ATF7IP: variants seen among roughly 807,000 people sequenced by gnomAD.
The protein encoded by ATF7IP is activating transcription factor 7-interacting protein 1.
A neutral mutation model predicts 106.4 loss-of-function variants in ATF7IP; 23 were observed. The ratio of observed to expected loss-of-function variants is 0.22; its 90% CI spans 0.16 to 0.31. ATF7IP has a LOEUF of 0.31. ATF7IP is among the 10% of genes least tolerant of loss of function. The pLI, the probability that ATF7IP is intolerant of heterozygous loss-of-function variation, is 1.00. For synonymous variants in ATF7IP, 542 were observed against 539.0 expected (o/e 1.01, Z -0.08); for missense variants, 1,334 against 1,524.3 (o/e 0.88, Z 2.08).
intron 6 of ATF7IP, among the ~76,000 whole-genome samples, chr12:14,453,460 C>T (rs978046069): frequency 3.3e-5 from 5 of 152,056 alleles, no homozygotes; most frequent in Admixed American, 2.6e-4. Context: ...CCGGTCTGCT[C>T]TTGATTCTCT....
chr12:14,449,529 A>G (rs79132314), intron 6 of ATF7IP, among the ~76,000 whole-genome samples: 184 of 151,174 alleles, frequency 1.2e-3, no homozygotes, highest in African/African-American at 4.1e-3. Flanking sequence ...ACTTTTTTCG[A>G]TTATTGTAGC....
At chr12:14,392,295 A>C (rs542648165) in intron 1 of ATF7IP, among the ~76,000 whole-genome samples, 1 of 151,730 alleles carries the variant, frequency 6.6e-6, no homozygotes, top group South Asian at 2.1e-4. Context: ...AATCTGGTCT[A>C]CTGGGTAGTT....
chr12:14,369,507 G>T (rs891271913), intron 1 of ATF7IP, among the ~76,000 whole-genome samples: 1 of 151,988 alleles, frequency 6.6e-6, no homozygotes, highest in Admixed American at 6.6e-5. Flanking sequence ...GCACCACCAT[G>T]CCCTGCTTTT....
chr12:14,498,083 C>T lies in ATF7IP; in HGVS notation c.*10C>T. The stretch of plus-strand genomic sequence containing the variant: ...TACCCAGAGCAGTTAAACCTTGGAG[C>T]CTTTATATTTTCCTCTTTTAAAATT... On this transcript the variant is annotated 3_prime_UTR_variant, in exon 15 of 15. Transcript: ENST00000261168. 2 of 1,543,432 alleles carry T rather than the reference C, an allele frequency of 1.3e-6. No individual in the cohort carries two copies. Among genetic ancestry groups the T allele is most frequent in the East Asian group, 2.3e-5 (1 of 43,886 alleles).
chr12:14,393,311 A>G (rs1939672411), intron 1 of ATF7IP, among the ~76,000 whole-genome samples: 1 of 152,032 alleles, frequency 6.6e-6, no homozygotes, highest in Non-Finnish European at 1.5e-5. Flanking sequence ...TATTTCTAAC[A>G]TTTTTTCTCA....
intron 9 of ATF7IP, chr12:14,466,163 C>A (rs189969957): frequency 0.021 from 3,415 of 165,850 alleles, 35 homozygotes; most frequent in Middle Eastern, 0.03. Context: ...ACATTTTTGA[C>A]ATACTAAATT....
intron 1 of ATF7IP, among the ~76,000 whole-genome samples, chr12:14,402,286 C>A (rs1208743838): frequency 6.6e-6 from 1 of 151,686 alleles, no homozygotes; most frequent in Non-Finnish European, 1.5e-5. Flanking sequence ...TGTCACTATA[C>A]CTGGCTAATT....
At chr12:14,415,956 A>G (rs1208262634) in intron 1 of ATF7IP, among the ~76,000 whole-genome samples, 1 of 152,188 alleles carries the variant, frequency 6.6e-6, no homozygotes, top group Non-Finnish European at 1.5e-5. Flanking sequence ...AGTCTCCCAC[A>G]AATACTGATG....
intron 13 of ATF7IP, among the ~76,000 whole-genome samples, chr12:14,483,995 A>G (rs1455492282): frequency 6.6e-6 from 1 of 152,194 alleles, no homozygotes; most frequent in African/African-American, 2.4e-5. Flanking sequence ...TGTGCAGCAT[A>G]GGCAAACCCA....
intron 1 of ATF7IP, among the ~76,000 whole-genome samples, chr12:14,401,735 T>G (rs1375373374): frequency 1.8e-5 from 2 of 108,718 alleles, no homozygotes; most frequent in Non-Finnish European, 3.8e-5. Flanking sequence ...TTTTTTTTTT[T>G]GATATGGAAT....
chr12:14,485,510 TC>T (rs1389268434), intron 13 of ATF7IP, among the ~76,000 whole-genome samples: 3 of 152,138 alleles, frequency 2.0e-5, no homozygotes, highest in East Asian at 1.9e-4. Flanking sequence ...GCTCACTTGA[TC>T]CAATCAGAAT....
At chr12:14,467,641 G>A (rs1275817995) in intron 10 of ATF7IP, among the ~76,000 whole-genome samples, 1 of 151,454 alleles carries the variant, frequency 6.6e-6, no homozygotes, top group East Asian at 1.9e-4. Context: ...TTAAACAAAG[G>A]ATTTATGAAC....
intron 1 of ATF7IP, among the ~76,000 whole-genome samples, chr12:14,387,590 A>T (rs747190854): frequency 5.3e-5 from 8 of 152,172 alleles, no homozygotes; most frequent in African/African-American, 1.9e-4. Flanking sequence ...TTACCTGTAC[A>T]TGAGGAAATA....
rs955805806 is a variant in ATF7IP at position 14,385,877 on chromosome 12, A to T, written c.-8+20050A>T. On this transcript the variant is annotated intron_variant, in intron 1 of 14. Coordinates refer to ENST00000261168, the MANE Select transcript of ATF7IP (RefSeq NM_018179.5). ...GTAATTATATAAATCATGAAAAAAA[A>T]TTTTTAATACTGTCCAAAATCTTTT... Among the ~76,000 whole-genome samples the T allele has an allele frequency of 1.7e-4, 26 of 151,910 alleles. 2 individuals carry two copies. Among genetic ancestry groups the T allele is most frequent in the Non-Finnish European group, 5.9e-5 (4 of 67,996 alleles).
At chr12:14,401,980 G>A (rs1026214449) in intron 1 of ATF7IP, among the ~76,000 whole-genome samples, 5 of 151,548 alleles carry the variant, frequency 3.3e-5, no homozygotes, top group Non-Finnish European at 7.4e-5. Context: ...CAAAAGTGCT[G>A]GGATTACAGG....
At chr12:14,410,177 C>G (rs111958627) in intron 1 of ATF7IP, among the ~76,000 whole-genome samples, 1 of 152,106 alleles carries the variant, frequency 6.6e-6, no homozygotes, top group Non-Finnish European at 1.5e-5. Flanking sequence ...ACATTAGTCC[C>G]CCCTTCTCCA....
intron 9 of ATF7IP, 125 bp from the exon 10 acceptor site, chr12:14,466,397 TTTTA>T (rs1943834144): frequency 4.2e-6 from 3 of 721,662 alleles, no homozygotes; most frequent in Non-Finnish European, 7.2e-6. Context: ...GAATTTGAGT[TTTTA>T]TTTATGTATG....
intron 1 of ATF7IP, among the ~76,000 whole-genome samples, chr12:14,378,618 A>G (rs898106816): frequency 1.3e-4 from 20 of 152,324 alleles, no homozygotes; most frequent in Middle Eastern, 3.4e-3. Flanking sequence ...AATGTTAACC[A>G]CAATTAAATC....
intron 5 of ATF7IP, among the ~76,000 whole-genome samples, chr12:14,440,366 A>T (rs958919363): frequency 2.0e-5 from 3 of 152,144 alleles, no homozygotes; most frequent in Admixed American, 2.0e-4. Flanking sequence ...TTTATAGTCC[A>T]AGTTCCTCAA....
Sources: allele counts gnomAD v4.1 joint callset (sites outside exome capture counted in the v4.1 genomes callset), GRCh38; gene constraint gnomAD v4.1.1; transcripts MANE v1.5; gene names NCBI Gene and HGNC (gene_info 2026-07-23, HGNC 2026-07-21).